The following EXOC6 variants were observed in gnomAD, a reference collection of about 807,000 sequenced individuals.
EXOC6 encodes the protein SEC15-like 1.
A neutral mutation model predicts 112.5 loss-of-function variants in EXOC6; 60 were observed. That is an observed-to-expected ratio of 0.53 (90% CI 0.43 to 0.66). The LOEUF (loss-of-function observed/expected upper bound fraction) is 0.66, where lower values mean the gene tolerates loss of function less well. Among genes scored for constraint, EXOC6 ranks in the 30% least tolerant of loss-of-function variants. EXOC6 has a pLI of 0.00. For missense variants in EXOC6, 855 were observed against 957.1 expected, an observed-to-expected ratio of 0.89 and a Z score of 1.41; for synonymous variants, 295 against 308.0, an observed-to-expected ratio of 0.96 and a Z score of 0.44.
intron 1 of EXOC6, among the ~76,000 whole-genome samples, chr10:92,839,411 A>C (rs1350760059): frequency 6.6e-6 from 1 of 152,216 alleles, no homozygotes; most frequent in Non-Finnish European, 1.5e-5. Flanking sequence ...AATTCCTTGC[A>C]CAAGGATGGT....
intron 4 of EXOC6, among the ~76,000 whole-genome samples, chr10:92,897,145 G>A (rs1849870508): frequency 6.6e-6 from 1 of 152,176 alleles, no homozygotes; most frequent in African/African-American, 2.4e-5. Context: ...CTGATGGAAT[G>A]AGCAAGAGCC....
At chr10:92,986,014 A>G (rs1409571991) in intron 18 of EXOC6, among the ~76,000 whole-genome samples, 4 of 152,030 alleles carry the variant, frequency 2.6e-5, no homozygotes, top group Admixed American at 1.3e-4. Context: ...GGTTTTTCTT[A>G]CTTGAATGTT....
chr10:92,979,370 C>T (rs1589965341), intron 18 of EXOC6, among the ~76,000 whole-genome samples: 1 of 152,326 alleles, frequency 6.6e-6, no homozygotes, highest in South Asian at 2.1e-4. Context: ...TGTGCAATTG[C>T]TGATGACCAT....
chr10:93,028,562 C>T (rs574398615), intron 20 of EXOC6, among the ~76,000 whole-genome samples: 256 of 151,870 alleles, frequency 1.7e-3, no homozygotes, highest in African/African-American at 4.6e-3. Context: ...ATGCTGGATG[C>T]GGTGGCTCAG....
At chr10:93,046,890 G>A (rs1249067707) in intron 20 of EXOC6, among the ~76,000 whole-genome samples, 1 of 152,138 alleles carries the variant, frequency 6.6e-6, no homozygotes, top group Non-Finnish European at 1.5e-5. Context: ...GAGCCACCAC[G>A]CCTGGCCCAG....
intron 1 of EXOC6, among the ~76,000 whole-genome samples, chr10:92,889,711 G>C (rs78326858): frequency 6.6e-6 from 1 of 151,658 alleles, no homozygotes; most frequent in Admixed American, 6.6e-5. Context: ...GTAAATCTTG[G>C]GTCGTGTTGT....
intron 20 of EXOC6, among the ~76,000 whole-genome samples, chr10:93,047,014 T>G (rs1335903688): frequency 1.3e-5 from 2 of 152,244 alleles, no homozygotes; most frequent in African/African-American, 2.4e-5. Flanking sequence ...CATGTCATGT[T>G]AAGGAACTTG....
intron 1 of EXOC6, among the ~76,000 whole-genome samples, chr10:92,841,532 A>G (rs539090283): frequency 6.6e-6 from 1 of 152,346 alleles, no homozygotes; most frequent in South Asian, 2.1e-4. Flanking sequence ...ATTTGGGCCT[A>G]ACTGTGACAG....
At chr10:92,999,964 A>G (rs1171546849) in intron 19 of EXOC6, among the ~76,000 whole-genome samples, 1 of 152,150 alleles carries the variant, frequency 6.6e-6, no homozygotes, top group Non-Finnish European at 1.5e-5. Context: ...TCGGCCTCCC[A>G]AAGTGCTGGG....
At chr10:93,001,038 A>G (rs1479513677) in intron 19 of EXOC6, among the ~76,000 whole-genome samples, 1 of 152,212 alleles carries the variant, frequency 6.6e-6, no homozygotes, top group African/African-American at 2.4e-5. Flanking sequence ...CTTATTCTCA[A>G]TTTTAATGCA....
Position 92,974,147 on chromosome 10 carries a change from C to T in EXOC6, c.1868C>T (p.Ser623Phe), listed in dbSNP as rs62642545. The T allele has an allele frequency of 4.7e-3, 7,488 of 1,603,214 alleles. 19 individuals are homozygous for T. The highest frequency in any genetic ancestry group is 6.0e-3 in the Middle Eastern group (36 of 6,038). The change falls in exon 18 of 22, where the codon TCT becomes TTT. Residue 623 changes from serine (S) to phenylalanine (F), a missense_variant. Physicochemically the swap from Ser to Phe is radical, Grantham distance 155. This residue lies in a region of EXOC6 where 450 missense variants were observed against 563.5 expected (regional missense o/e 0.80). Coordinates refer to ENST00000260762, the MANE Select transcript of EXOC6 (RefSeq NM_019053.6). ...VQLADYDWTM[S>F]EPDGRASGYL... is the part of the protein sequence containing the mutation. Reference sequence around the variant, plus strand: ...CTTGCTGATTATGACTGGACAATGTCTGAGCCAGATGGAAGAGCTAGTGGT... The same window carrying T: ...CTTGCTGATTATGACTGGACAATGTTTGAGCCAGATGGAAGAGCTAGTGGT...
intron 19 of EXOC6, among the ~76,000 whole-genome samples, chr10:93,001,578 G>GC (rs1343489064): frequency 7.2e-5 from 11 of 152,266 alleles, no homozygotes; most frequent in Middle Eastern, 3.4e-3. Flanking sequence ...AGAGCTGCCT[G>GC]CCCCCTTTAT....
chr10:92,968,675 AG>A (rs1441561161), intron 17 of EXOC6, among the ~76,000 whole-genome samples: 4 of 152,188 alleles, frequency 2.6e-5, no homozygotes, highest in Non-Finnish European at 5.9e-5. Flanking sequence ...AACATAAGTA[AG>A]TATAAGAAAA....
At chr10:92,892,364 G>T (rs552037220) in intron 1 of EXOC6, among the ~76,000 whole-genome samples, 2 of 152,344 alleles carry the variant, frequency 1.3e-5, no homozygotes, top group African/African-American at 4.8e-5. Flanking sequence ...TCCCAGCAGT[G>T]ATGTGTGGTA....
chr10:92,924,826 AC>A (rs1201103170), intron 8 of EXOC6, among the ~76,000 whole-genome samples: 1 of 151,962 alleles, frequency 6.6e-6, no homozygotes, highest in African/African-American at 2.4e-5. Flanking sequence ...TTCATCCTTC[AC>A]CCCACTTCTG....
upstream of EXOC6, among the ~76,000 whole-genome samples, chr10:92,831,903 A>G (rs759958258): frequency 1.3e-5 from 2 of 152,166 alleles, no homozygotes; most frequent in Non-Finnish European, 2.9e-5. Flanking sequence ...TCTTCCTGTA[A>G]TTCTTCTATA....
chr10:92,975,610 GAGGT>G, intron 18 of EXOC6, among the ~76,000 whole-genome samples: 1 of 141,556 alleles, frequency 7.1e-6, no homozygotes, highest in African/African-American at 2.6e-5. Context: ...GTCCGGGAGG[GAGGT>G]TGGGGGGTCA....
At chr10:93,026,120 A>T (rs951361799) in intron 20 of EXOC6, among the ~76,000 whole-genome samples, 1 of 152,156 alleles carries the variant, frequency 6.6e-6, no homozygotes, top group Admixed American at 6.5e-5. Flanking sequence ...CAAATATACC[A>T]TAATTTATGT....
chr10:93,022,830 A>G (rs977254380), intron 20 of EXOC6, among the ~76,000 whole-genome samples: 11 of 152,060 alleles, frequency 7.2e-5, no homozygotes, highest in Non-Finnish European at 8.8e-5. Flanking sequence ...TTAAATAAGG[A>G]TGCTTTAAAG....
Sources: gnomAD v4.1 joint callset for allele counts (sites outside exome capture counted in the v4.1 genomes callset) on GRCh38, gnomAD v4.1.1 for gene constraint, gnomAD v4.1.1 regional missense constraint, MANE v1.5 for transcripts, NCBI Gene and HGNC (gene_info 2026-07-23, HGNC 2026-07-21) for gene names.